Variants in MFHAS1 observed in about 807,000 individuals in gnomAD.
The protein encoded by MFHAS1 is malignant fibrous histiocytoma-amplified sequence 1.
MFHAS1 carries 50 observed loss-of-function variants against 70.4 expected under a neutral mutation model. That is an observed-to-expected ratio of 0.71 (90% CI 0.57 to 0.90). The LOEUF (loss-of-function observed/expected upper bound fraction) is 0.90. MFHAS1 is among the 40% of genes least tolerant of loss of function. The pLI is 0.00. For synonymous variants in MFHAS1, 952 were observed against 620.0 expected, an observed-to-expected ratio of 1.54 and a Z score of -7.96; for missense variants, 1,795 against 1,347.6, an observed-to-expected ratio of 1.33 and a Z score of -5.20.
intron 1 of MFHAS1, among the ~76,000 whole-genome samples, chr8:8,865,496 A>G (rs543760952): frequency 6.6e-6 from 1 of 152,206 alleles, no homozygotes; most frequent in East Asian, 1.9e-4. Flanking sequence ...TAACTCGATG[A>G]AAGCTAAACA....
chr8:8,849,167 G>C (rs922811038), intron 1 of MFHAS1, among the ~76,000 whole-genome samples: 5 of 129,430 alleles, frequency 3.9e-5, no homozygotes, highest in Admixed American at 2.1e-4. Context: ...TGCAACCTCT[G>C]CCTCCCGTGT....
rs149247397 is a variant in MFHAS1 at position 8,817,342 on chromosome 8, C to A, written c.2999-19851G>T. 4.0e-3 allele frequency among the ~76,000 whole-genome samples: 611 copies of A among 152,276 alleles called. 4 individuals carry two copies. The highest frequency in any genetic ancestry group is 0.014 in the African/African-American group (574 of 41,548). On this transcript the variant is annotated intron_variant, in intron 1 of 2. Coordinates refer to ENST00000276282, the MANE Select transcript of MFHAS1 (RefSeq NM_004225.3). ...TCCAAGCTCTTTGTTAATTGACGTC[C>A]ATTTGTATCAGAGGTAATTCGCTTA...
intron 1 of MFHAS1, among the ~76,000 whole-genome samples, chr8:8,877,501 G>A (rs1368559683): frequency 1.3e-5 from 2 of 152,148 alleles, no homozygotes; most frequent in Non-Finnish European, 2.9e-5. Flanking sequence ...ATTTAGAGCA[G>A]GGAAAATCGA....
rs1805950712 is a variant in MFHAS1, at chr8:8,797,555, A to AGACAGCACTGCCCGGG, written c.2999-80_2999-65dup. ...CACTAAAAATGGGCTCATTTTACAA[A>AGACAGCACTGCCCGGG]GACAGCACTGCCCGGGGATGGGGGC... is the stretch of plus-strand genomic sequence containing the variant. On this transcript the variant is annotated intron_variant, in intron 1 of 2. Transcript: ENST00000276282. 3 of 1,550,028 alleles carry AGACAGCACTGCCCGGG rather than the reference A, an allele frequency of 1.9e-6. No homozygotes were observed. The Admixed American group carries it at 5.2e-5, about 27-fold the overall frequency.
chr8:8,870,859 G>C (rs1402539182), intron 1 of MFHAS1, among the ~76,000 whole-genome samples: 1 of 152,142 alleles, frequency 6.6e-6, no homozygotes, highest in East Asian at 1.9e-4. Context: ...CCCAGCAAAT[G>C]TTTATAGTCC....
intron 1 of MFHAS1, chr8:8,860,158 G>A (rs1808607316): frequency 6.6e-6 from 1 of 152,164 alleles, no homozygotes; most frequent in African/African-American, 2.4e-5. Flanking sequence ...CGGTCAGAGG[G>A]AGCACACGCA....
At chr8:8,789,008 G>A (rs1456553194) in intron 2 of MFHAS1, among the ~76,000 whole-genome samples, 1 of 152,168 alleles carries the variant, frequency 6.6e-6, no homozygotes, top group Non-Finnish European at 1.5e-5. Context: ...TTTCAACAGG[G>A]AGAGATGTGA....
intron 1 of MFHAS1, among the ~76,000 whole-genome samples, chr8:8,819,027 A>C (rs1806847190): frequency 6.6e-6 from 1 of 152,250 alleles, no homozygotes; most frequent in Admixed American, 6.5e-5. Context: ...CTGGAGTAAA[A>C]TATTGAAAAT....
chr8:8,787,840 C>T (rs1217437383), intron 2 of MFHAS1, among the ~76,000 whole-genome samples: 1 of 152,226 alleles, frequency 6.6e-6, no homozygotes, highest in Non-Finnish European at 1.5e-5. Context: ...ACAAGAATAC[C>T]TAATCAAGGA....
intron 2 of MFHAS1, among the ~76,000 whole-genome samples, chr8:8,795,708 G>A (rs1204919496): frequency 6.6e-6 from 1 of 152,192 alleles, no homozygotes; most frequent in African/African-American, 2.4e-5. Flanking sequence ...TCGCTTTGCA[G>A]GGAGCACACC....
intron 1 of MFHAS1, among the ~76,000 whole-genome samples, chr8:8,809,243 G>A (rs943242916): frequency 6.6e-6 from 1 of 152,126 alleles, no homozygotes; most frequent in African/African-American, 2.4e-5. Context: ...TGTAATAATA[G>A]TAGAAATAAA....
chr8:8,792,825 A>G lies in MFHAS1; in HGVS notation c.3125+4540T>C, dbSNP rs149259044. The stretch of plus-strand genomic sequence containing the variant: ...TTTCTGGTATGGAAATTATACATCA[A>G]TAAAGCTTTTAAAAATGTATCTGTC... On this transcript the variant is annotated intron_variant, in intron 2 of 2. Transcript: ENST00000276282. 8.3e-4 allele frequency among the ~76,000 whole-genome samples: 127 copies of G among 152,336 alleles called. 2 individuals carry two copies. The highest frequency in any genetic ancestry group is 2.9e-3 in the African/African-American group (122 of 41,564).
intron 1 of MFHAS1, among the ~76,000 whole-genome samples, chr8:8,887,557 T>C (rs1809814123): frequency 6.6e-6 from 1 of 150,404 alleles, no homozygotes; most frequent in Admixed American, 6.6e-5. Flanking sequence ...ATATATTTTA[T>C]ATGTACATAT....
chr8:8,816,505 T>C (rs117102384), intron 1 of MFHAS1, among the ~76,000 whole-genome samples: 1,640 of 152,308 alleles, frequency 0.011, 15 homozygotes, highest in Non-Finnish European at 0.017. Flanking sequence ...ATCTCATAGA[T>C]CAAATGCACA....
intron 1 of MFHAS1, among the ~76,000 whole-genome samples, chr8:8,886,577 C>T (rs1809760889): frequency 6.6e-6 from 1 of 152,100 alleles, no homozygotes; most frequent in Non-Finnish European, 1.5e-5. Flanking sequence ...CAGGACAAGG[C>T]CAAAATAGGC....
At chr8:8,866,453 C>T (rs1808861796) in intron 1 of MFHAS1, among the ~76,000 whole-genome samples, 2 of 151,880 alleles carry the variant, frequency 1.3e-5, no homozygotes, top group African/African-American at 4.8e-5. Flanking sequence ...CCAACGGCTG[C>T]AACTACAGGC....
intron 1 of MFHAS1, among the ~76,000 whole-genome samples, chr8:8,843,739 C>A (rs1807927823): frequency 6.6e-6 from 1 of 152,136 alleles, no homozygotes. Flanking sequence ...CCACACGTCA[C>A]CCTGCACCTG....
chr8:8,792,858 G>A (rs575413879), intron 2 of MFHAS1, among the ~76,000 whole-genome samples: 8 of 152,308 alleles, frequency 5.3e-5, no homozygotes, highest in Middle Eastern at 3.4e-3. Context: ...GTCACAATCT[G>A]TATCCTTGAG....
At position 8,891,574 on chromosome 8, in the gene MFHAS1, C is replaced by T; in HGVS notation, c.1485G>A (p.Gly495=). 1.2e-6 allele frequency: 2 copies of T among 1,613,228 alleles called. No homozygotes were observed. Among genetic ancestry groups the T allele is most frequent in the South Asian group, 1.1e-5 (1 of 91,082 alleles). ...AGTTGACCACCAGCACGTATAGGGC[C>T]CCTGGGGACAGGAAGAAGGGCTGGA... is the stretch of plus-strand genomic sequence containing the variant. ...EVIQPFFLSP[G]ALYVLVVNLA... is the part of the protein sequence containing the mutation. The change falls in exon 1 of 3, where the codon GGG becomes GGA. Residue 495 remains glycine (G), a synonymous_variant. Transcript: ENST00000276282. The surrounding 1 kb of genome is among the most constrained non-coding windows in gnomAD (Gnocchi z 5.4).
Sources: allele counts gnomAD v4.1 joint callset (sites outside exome capture counted in the v4.1 genomes callset), GRCh38; gene constraint gnomAD v4.1.1; non-coding constraint Gnocchi (gnomAD v3.1); transcripts MANE v1.5; gene names NCBI Gene and HGNC (gene_info 2026-07-23, HGNC 2026-07-21).